Variants in SMARCAD1 observed in about 807,000 individuals in gnomAD.
The protein encoded by SMARCAD1 is SNF2 related chromatin remodeling ATPase with DExD box 1.
Under a neutral mutation model 127.1 loss-of-function variants are expected in SMARCAD1, and 25 were observed. The observed-to-expected ratio is 0.20, with a 90% CI of 0.14 to 0.27. The LOEUF (loss-of-function observed/expected upper bound fraction) is 0.27, where lower values mean the gene tolerates loss of function less well. SMARCAD1 is among the 10% of genes least tolerant of loss of function. The probability of loss-of-function intolerance (pLI) is 1.00; values close to 1 mark genes in which losing one functional copy is unlikely to be tolerated. For synonymous variants in SMARCAD1, 400 were observed against 396.9 expected, an observed-to-expected ratio of 1.01 and a Z score of -0.09; for missense variants, 807 against 1,206.0, an observed-to-expected ratio of 0.67 and a Z score of 4.90.
At chr4:94,264,961 T>G in intron 10 of SMARCAD1, 55 bp downstream of exon 10, 1 of 1,515,692 alleles carries the variant, frequency 6.6e-7, no homozygotes, top group Non-Finnish European at 9.0e-7. Context: ...ACAAAATATC[T>G]GAATTTATTT....
At chr4:94,213,024 T>C in intron 2 of SMARCAD1, 1 of 1,226,390 alleles carries the variant, frequency 8.2e-7, no homozygotes. Context: ...CTTTGACTTT[T>C]GGGAGTACAG....
intron 22 of SMARCAD1, among the ~76,000 whole-genome samples, chr4:94,284,244 G>A (rs1423591496): frequency 3.5e-5 from 5 of 143,386 alleles, no homozygotes; most frequent in Admixed American, 1.4e-4. Flanking sequence ...GGAGAATGAC[G>A]TGAAGCCGGG....
rs943932184 is a variant in SMARCAD1, at chr4:94,269,860, T to C, written c.1482-868T>C. Among the ~76,000 whole-genome samples the C allele has an allele frequency of 2.0e-5, 3 of 151,732 alleles. No homozygotes were observed. In the East Asian group the frequency reaches 5.9e-4, roughly 30 times the overall value. ...ATTTTTTTTGTATTTTTGGTAGAGA[T>C]AGCGTTTTGTCAATGTTGCCCAGGC... On this transcript the variant is annotated intron_variant, in intron 10 of 23. Transcript: ENST00000354268.
At chr4:94,276,751 A>G (rs1753361649) in intron 15 of SMARCAD1, among the ~76,000 whole-genome samples, 1 of 152,212 alleles carries the variant, frequency 6.6e-6, no homozygotes, top group African/African-American at 2.4e-5. Context: ...ATGTTAAACT[A>G]TTTATAAATA....
intron 4 of SMARCAD1, 97 bp from the exon 5 acceptor site, chr4:94,236,855 A>G (rs1213603624): frequency 1.0e-6 from 1 of 959,532 alleles, no homozygotes; most frequent in East Asian, 2.6e-5. Flanking sequence ...CTTTCCTGTC[A>G]TGTTTATATT....
At chr4:94,256,123 C>A (rs2125925928) in intron 9 of SMARCAD1, among the ~76,000 whole-genome samples, 1 of 152,286 alleles carries the variant, frequency 6.6e-6, no homozygotes, top group East Asian at 1.9e-4. Context: ...AAATACTACT[C>A]TGTTGCATCT....
intron 23 of SMARCAD1, among the ~76,000 whole-genome samples, chr4:94,288,085 A>G (rs763298692): frequency 6.6e-6 from 1 of 152,110 alleles, no homozygotes; most frequent in African/African-American, 2.4e-5. Flanking sequence ...TGTTTTTTCT[A>G]CTTCTTTTTT....
chr4:94,282,388 G>T (rs906873971), intron 21 of SMARCAD1, among the ~76,000 whole-genome samples: 3 of 151,690 alleles, frequency 2.0e-5, no homozygotes, highest in Non-Finnish European at 2.9e-5. Flanking sequence ...GAGCCACCGC[G>T]CCCGGCGCAA....
chr4:94,217,009 G>A (rs956698591), intron 2 of SMARCAD1, among the ~76,000 whole-genome samples: 5 of 152,082 alleles, frequency 3.3e-5, no homozygotes, highest in Non-Finnish European at 5.9e-5. Flanking sequence ...CCTCCATACC[G>A]TTTTCCATAG....
rs1161111388 is a variant in SMARCAD1 at position 94,289,997 on chromosome 4, G to T, written c.*463G>T. On this transcript the variant is annotated 3_prime_UTR_variant, in exon 24 of 24. Transcript: ENST00000354268. ...GTTCTTTTTTATTATGTTAAAGAAT[G>T]CAGCTGTATAGATTATATAGCTTTC... 1 of 454,412 alleles carries T rather than the reference G, an allele frequency of 2.2e-6. No individual in the cohort carries two copies. The highest frequency in any genetic ancestry group is 4.4e-6 in the Non-Finnish European group (1 of 226,780). 28.1% of individuals were successfully genotyped at this position (454,412 alleles called of 1,614,324 possible).
At chr4:94,284,821 A>C in intron 22 of SMARCAD1, 139 bp from the exon 23 acceptor site, 1 of 613,192 alleles carries the variant, frequency 1.6e-6, no homozygotes, top group Non-Finnish European at 2.9e-6. Context: ...TGTCAGTCTC[A>C]AGTGGCTTAA....
At chr4:94,265,245 AT>A in intron 10 of SMARCAD1, among the ~76,000 whole-genome samples, 1 of 152,078 alleles carries the variant, frequency 6.6e-6, no homozygotes, top group East Asian at 1.9e-4. Context: ...CAAATTTGAT[AT>A]CCTAAAAAAA....
chr4:94,276,411 T>C lies in SMARCAD1; in HGVS notation c.1881T>C (p.Phe627=), dbSNP rs1753313140. 1.2e-6 allele frequency: 2 copies of C among 1,614,186 alleles called. No homozygotes were observed. Among genetic ancestry groups the C allele is most frequent in the Middle Eastern group, 1.6e-4 (1 of 6,062 alleles). Residue 627 remains phenylalanine, a synonymous_variant, in exon 15 of 24, where the codon TTT becomes TTC. Coordinates refer to ENST00000354268, the MANE Select transcript of SMARCAD1 (RefSeq NM_020159.5). The part of the protein sequence containing the change: ...FRRLKLNYAI[F]DEGHMLKNMG... Reference sequence around the variant, plus strand: ...GGCTGAAACTTAATTACGCAATTTTTGATGAGGGCCATATGCTGAAGAATA... The same window carrying C: ...GGCTGAAACTTAATTACGCAATTTTCGATGAGGGCCATATGCTGAAGAATA...
chr4:94,219,569 C>T (rs2125813049), intron 2 of SMARCAD1, among the ~76,000 whole-genome samples: 1 of 152,238 alleles, frequency 6.6e-6, no homozygotes, highest in South Asian at 2.1e-4. Flanking sequence ...TTCTTTTATG[C>T]ATACCACTCA....
chr4:94,239,378 C>T (rs946911777), intron 5 of SMARCAD1, among the ~76,000 whole-genome samples: 8 of 149,248 alleles, frequency 5.4e-5, no homozygotes, highest in Non-Finnish European at 7.4e-5. Context: ...GCAGTCTTAA[C>T]AGACAGTATC....
In SMARCAD1 at chr4:94,284,326, CAAAAAAA is replaced by C. The variant is rs1161926658; in HGVS notation, c.2910-613_2910-607del. ...TGGGTGACGGAGCAAGACTCCGTCT[CAAAAAAA>C]AAAAAAAAAAAAAAAAAAAAGAAAA... On this transcript the variant is annotated intron_variant, in intron 22 of 23. Transcript: ENST00000354268. 0.019 allele frequency among the ~76,000 whole-genome samples: 502 copies of C among 25,900 alleles called. 7 individuals are homozygous for C. In the Middle Eastern group the frequency reaches 0.21, roughly 11 times the overall value. 17.0% of individuals were successfully genotyped at this position (25,900 alleles called of 152,430 possible).
chr4:94,208,318 T>G (rs1216691781), intron 1 of SMARCAD1, 28 bp from the exon 2 acceptor site: 1 of 1,494,680 alleles, frequency 6.7e-7, no homozygotes, highest in Admixed American at 1.7e-5. Context: ...TCATGGCCTT[T>G]TTTCCTCTCT....
chr4:94,214,515 C>G (rs974348465), intron 2 of SMARCAD1, among the ~76,000 whole-genome samples: 1 of 151,978 alleles, frequency 6.6e-6, no homozygotes, highest in African/African-American at 2.4e-5. Flanking sequence ...ATCTGCCCGC[C>G]TCGGCCTCCT....
At chr4:94,288,703 CT>C (rs1755306874) in intron 23 of SMARCAD1, among the ~76,000 whole-genome samples, 6 of 152,062 alleles carry the variant, frequency 3.9e-5, no homozygotes, top group Non-Finnish European at 8.8e-5. Context: ...TCAGCCACAT[CT>C]AATTTATAAA....
Sources: allele counts gnomAD v4.1 joint callset (sites outside exome capture counted in the v4.1 genomes callset), GRCh38; gene constraint gnomAD v4.1.1; transcripts MANE v1.5; gene names NCBI Gene and HGNC (gene_info 2026-07-23, HGNC 2026-07-21).